Variants in TNPO3 observed in about 807,000 individuals in gnomAD.
TNPO3 encodes the protein transportin-3.
In TNPO3, 65 loss-of-function variants were observed where a neutral mutation model predicts 122.8. The ratio of observed to expected loss-of-function variants is 0.53; its 90% CI spans 0.43 to 0.65. The LOEUF is 0.65. TNPO3 is among the 30% of genes least tolerant of loss of function. TNPO3 has a pLI of 0.00. For missense variants in TNPO3, 850 were observed against 1,136.7 expected, an observed-to-expected ratio of 0.75 and a Z score of 3.63; for synonymous variants, 372 against 411.2, an observed-to-expected ratio of 0.90 and a Z score of 1.15.
intron 1 of TNPO3, among the ~76,000 whole-genome samples, chr7:129,021,622 A>G (rs969189791): frequency 2.6e-5 from 4 of 152,228 alleles, no homozygotes; most frequent in Non-Finnish European, 4.4e-5. Flanking sequence ...CTAATTTCAC[A>G]GAAAATAAGC....
At position 128,967,284 on chromosome 7, in the gene TNPO3, T is replaced by C. The variant is rs1409456405; in HGVS notation, c.2707A>G (p.Thr903Ala). The change falls in exon 21 of 23, where the codon ACT (threonine) becomes GCT (alanine). Residue 903 changes from threonine to alanine, a missense_variant. By Grantham distance (58) the Thr-to-Ala change is moderately conservative (BLOSUM62 0). Transcript: ENST00000265388. ...KQLTDFHKQV[T>A]SAEECKQVCW... ...AGAACCCCCAGTATCACTCACCTAG[T>C]GACTTGCTTGTGGAAGTCTGTAAGT... 6.2e-7 allele frequency: 1 copy of C among 1,604,296 alleles called. No individual in the cohort carries two copies. Among genetic ancestry groups the C allele is most frequent in the Non-Finnish European group, 8.5e-7 (1 of 1,171,116 alleles).
In TNPO3 at chr7:129,000,373, A is replaced by G. The variant is rs7807327; in HGVS notation, c.1011+56T>C. The G allele has an allele frequency of 1.0e-3, 1,489 of 1,482,292 alleles. 17 individuals are homozygous for G. The African/African-American group carries it at 0.019, about 19-fold the overall frequency. 91.8% of individuals were successfully genotyped at this position (1,482,292 alleles called of 1,614,324 possible). A position where few individuals can be genotyped will look rare whatever the true frequency, so the allele number is the denominator to read the frequency against. On this transcript the variant is annotated intron_variant, in intron 7 of 22. Coordinates refer to ENST00000265388, the MANE Select transcript of TNPO3 (RefSeq NM_012470.4). ...TTGGGCACGAGGTAATGAAATATAG[A>G]TAATATGCAGCACACAACTTGGAGA...
chr7:129,051,879 A>G (rs1198203965), intron 1 of TNPO3, among the ~76,000 whole-genome samples: 1 of 152,166 alleles, frequency 6.6e-6, no homozygotes, highest in Non-Finnish European at 1.5e-5. Context: ...CCTGACCTCA[A>G]GCGATCCGCC....
rs986602828 is a variant in TNPO3, at chr7:129,000,118, G to GT, written c.1011+310dup. On this transcript the variant is annotated intron_variant, in intron 7 of 22. Transcript: ENST00000265388. ...TGTGGAGGTATAGTTAGAATTTGGT[G>GT]TTTTTTAGCTGTAACACTCTAGAGA... Among the ~76,000 whole-genome samples, 4 of 152,068 alleles carry GT rather than the reference G, an allele frequency of 2.6e-5. No homozygotes were observed. In the South Asian group the frequency reaches 6.2e-4, roughly 24 times the overall value.
chr7:129,041,573 T>C, intron 1 of TNPO3: 1 of 985,462 alleles, frequency 1.0e-6, no homozygotes, highest in Non-Finnish European at 1.2e-6. Flanking sequence ...TAGGACTTTC[T>C]AGCCACAGAT....
At chr7:129,052,522 TCTGA>T (rs760149804) in intron 1 of TNPO3, among the ~76,000 whole-genome samples, 12 of 152,246 alleles carry the variant, frequency 7.9e-5, no homozygotes, top group African/African-American at 1.2e-4. Context: ...CTGTCTGGAC[TCTGA>T]CTATTAACTG....
At chr7:129,021,354 C>CAA (rs577989041) in intron 1 of TNPO3, among the ~76,000 whole-genome samples, 8 of 66,652 alleles carry the variant, frequency 1.2e-4, no homozygotes, top group Non-Finnish European at 1.8e-4. Flanking sequence ...GACTCCGTCT[C>CAA]AAAAAAAAAA....
At chr7:129,035,693 G>C (rs183259600) in intron 1 of TNPO3, among the ~76,000 whole-genome samples, 16 of 152,212 alleles carry the variant, frequency 1.1e-4, no homozygotes. Context: ...TCTAGATAAT[G>C]AATTATCAAA....
intron 7 of TNPO3, 41 bp from the exon 8 acceptor site, chr7:128,997,576 A>G: frequency 6.4e-7 from 1 of 1,551,974 alleles, no homozygotes; most frequent in Non-Finnish European, 8.9e-7. Context: ...ATGGGAAAGG[A>G]ATAGAATAAG....
rs1399348865 is a variant in TNPO3, at chr7:129,016,877, A to G, written c.395+106T>C. 3.3e-6 allele frequency: 3 copies of G among 915,202 alleles called. No homozygotes were observed. The African/African-American group carries it at 4.9e-5, about 15-fold the overall frequency. 56.7% of individuals were successfully genotyped at this position (915,202 alleles called of 1,614,324 possible). On this transcript the variant is annotated intron_variant, in intron 3 of 22. Coordinates refer to ENST00000265388, the MANE Select transcript of TNPO3 (RefSeq NM_012470.4). ...AAGGTTAATAACATAATTCTATGTT[A>G]AGAGTTCAGGGAAATAGTCAAATAT... is the stretch of plus-strand genomic sequence containing the variant.
At chr7:128,997,309 C>T (rs1008121355) in intron 8 of TNPO3, 80 bp downstream of exon 8, 1 of 1,523,576 alleles carries the variant, frequency 6.6e-7, no homozygotes, top group Non-Finnish European at 8.9e-7. Context: ...GGTTTATTAT[C>T]TATCTTCTCA....
intron 9 of TNPO3, among the ~76,000 whole-genome samples, chr7:128,992,780 C>T (rs1157927673): frequency 1.0e-5 from 1 of 98,884 alleles, no homozygotes; most frequent in Admixed American, 9.4e-5. Flanking sequence ...ATACCATTTC[C>T]TAATTTTAAT....
intron 12 of TNPO3, among the ~76,000 whole-genome samples, chr7:128,986,029 A>G (rs2150337068): frequency 6.6e-6 from 1 of 152,344 alleles, no homozygotes; most frequent in South Asian, 2.1e-4. Context: ...GGGCACCCCA[A>G]TCTGTGTTCA....
chr7:128,960,963 G>C (rs1797393151), intron 21 of TNPO3, among the ~76,000 whole-genome samples: 1 of 152,086 alleles, frequency 6.6e-6, no homozygotes, highest in Non-Finnish European at 1.5e-5. Flanking sequence ...GTTTCACCAT[G>C]TTGGCCAGGC....
chr7:129,049,756 T>G (rs1808478786), intron 1 of TNPO3, among the ~76,000 whole-genome samples: 1 of 151,966 alleles, frequency 6.6e-6, no homozygotes, highest in African/African-American at 2.4e-5. Context: ...TAAAGGACAG[T>G]GTTAACTGTC....
chr7:128,955,743 T>C (rs1466947442), intron 22 of TNPO3, among the ~76,000 whole-genome samples: 1 of 152,202 alleles, frequency 6.6e-6, no homozygotes, highest in Non-Finnish European at 1.5e-5. Context: ...ATGTCGATTT[T>C]ATTTTGAAAG....
chr7:129,007,583 T>A (rs1230832893), intron 4 of TNPO3, among the ~76,000 whole-genome samples: 1 of 152,244 alleles, frequency 6.6e-6, no homozygotes, highest in East Asian at 1.9e-4. Flanking sequence ...TTTAAGCATG[T>A]CAGCTTGAAG....
At chr7:129,018,255 A>G in intron 1 of TNPO3, 98 bp from the exon 2 acceptor site, 1 of 1,227,904 alleles carries the variant, frequency 8.1e-7, no homozygotes, top group Non-Finnish European at 1.1e-6. Context: ...AGCCCAAAGT[A>G]TAAAGAAAGA....
chr7:129,000,294 C>T (rs1801793788), intron 7 of TNPO3, 135 bp downstream of exon 7: 1 of 1,034,236 alleles, frequency 9.7e-7, no homozygotes, highest in Non-Finnish European at 1.4e-6. Context: ...AATTCCAAAA[C>T]AGATGAAATC....
Sources: gnomAD v4.1 joint callset for allele counts (sites outside exome capture counted in the v4.1 genomes callset) on GRCh38, gnomAD v4.1.1 for gene constraint, MANE v1.5 for transcripts, NCBI Gene and HGNC (gene_info 2026-07-23, HGNC 2026-07-21) for gene names.